Variants in EPB41L2 observed in about 807,000 individuals in gnomAD.
EPB41L2 encodes band 4.1-like protein 2.
A neutral mutation model predicts 113.0 loss-of-function variants in EPB41L2; 43 were observed. That is an observed-to-expected ratio of 0.38 (90% CI 0.30 to 0.49). The LOEUF (loss-of-function observed/expected upper bound fraction) is 0.49. Ranked by LOEUF, EPB41L2 falls within the 20% of genes least tolerant of loss-of-function variation. EPB41L2 has a pLI of 0.95. For missense variants in EPB41L2, 1,147 were observed against 1,223.4 expected, an observed-to-expected ratio of 0.94 and a Z score of 0.93; for synonymous variants, 442 against 436.7, an observed-to-expected ratio of 1.01 and a Z score of -0.15.
At chr6:130,853,671 T>G (rs965004492) in intron 19 of EPB41L2, among the ~76,000 whole-genome samples, 1 of 152,126 alleles carries the variant, frequency 6.6e-6, no homozygotes, top group Non-Finnish European at 1.5e-5. Context: ...GGTTGTTCTT[T>G]TACCATCTTT....
chr6:130,960,976 G>A (rs1025559418), intron 1 of EPB41L2, among the ~76,000 whole-genome samples: 3 of 152,108 alleles, frequency 2.0e-5, no homozygotes, highest in African/African-American at 2.4e-5. Flanking sequence ...CTTACTAAAT[G>A]AGTATTGTTC....
chr6:130,864,075 G>A (rs377760642), intron 17 of EPB41L2, among the ~76,000 whole-genome samples: 17 of 152,174 alleles, frequency 1.1e-4, no homozygotes, highest in African/African-American at 4.1e-4. Context: ...ATAGTTTCCC[G>A]AGTTTCTTTA....
chr6:131,052,291 T>A (rs954211), intron 1 of EPB41L2, among the ~76,000 whole-genome samples: 47,220 of 152,032 alleles, frequency 0.31, 7,844 homozygotes, highest in Non-Finnish European at 0.37. Flanking sequence ...TACAAGTTCA[T>A]GGATAAACTC....
chr6:130,952,539 G>C (rs1318447300), intron 3 of EPB41L2, among the ~76,000 whole-genome samples: 1 of 152,092 alleles, frequency 6.6e-6, no homozygotes, highest in Non-Finnish European at 1.5e-5. Context: ...GTTCTATTTT[G>C]TTAAAGATCT....
chr6:130,960,893 G>T (rs1285901546), intron 1 of EPB41L2, among the ~76,000 whole-genome samples: 6 of 152,160 alleles, frequency 3.9e-5, no homozygotes, highest in African/African-American at 1.2e-4. Context: ...CTCCATGAGG[G>T]CTGGGATCTC....
chr6:130,915,079 G>A (rs938687334), intron 4 of EPB41L2, among the ~76,000 whole-genome samples: 23 of 151,498 alleles, frequency 1.5e-4, no homozygotes, highest in African/African-American at 3.7e-4. Flanking sequence ...CGAGGCGGGC[G>A]GATCACGAGG....
intron 1 of EPB41L2, among the ~76,000 whole-genome samples, chr6:131,002,565 G>C (rs924740802): frequency 6.6e-6 from 1 of 152,204 alleles, no homozygotes; most frequent in Admixed American, 6.5e-5. Context: ...GCAAAATGAA[G>C]TGAATACATT....
chr6:130,944,170 CAT>C (rs35704598), intron 3 of EPB41L2, among the ~76,000 whole-genome samples: 8,555 of 122,004 alleles, frequency 0.07, 286 homozygotes, highest in African/African-American at 0.11. Flanking sequence ...CATACACACA[CAT>C]ACACACACAC....
intron 8 of EPB41L2, among the ~76,000 whole-genome samples, chr6:130,897,563 A>C (rs1795033431): frequency 6.6e-6 from 1 of 152,214 alleles, no homozygotes; most frequent in African/African-American, 2.4e-5. Flanking sequence ...TTTCTAACTA[A>C]CAATCAACAA....
chr6:130,954,040 C>CTTTCTTGTTTTT (rs1816373036), intron 3 of EPB41L2, among the ~76,000 whole-genome samples: 1 of 58,850 alleles, frequency 1.7e-5, no homozygotes, highest in African/African-American at 5.4e-5. Context: ...CCTTTTCTTT[C>CTTTCTTGTTTTT]TTTTTTTTTT....
chr6:130,869,455 T>G, intron 15 of EPB41L2, 108 bp downstream of exon 15: 1 of 1,029,878 alleles, frequency 9.7e-7, no homozygotes, highest in South Asian at 1.6e-5. Flanking sequence ...AAAATCAGAT[T>G]CTTGTTGAAA....
chr6:130,927,583 T>C (rs1805194729), intron 3 of EPB41L2, among the ~76,000 whole-genome samples: 1 of 152,170 alleles, frequency 6.6e-6, no homozygotes, highest in African/African-American at 2.4e-5. Flanking sequence ...ATCAGACTTT[T>C]CCATCCTCAA....
At chr6:130,865,422 G>T (rs755105355) in intron 17 of EPB41L2, 114 bp downstream of exon 17, 8 of 1,027,862 alleles carry the variant, frequency 7.8e-6, no homozygotes, top group Admixed American at 2.7e-5. Flanking sequence ...TTTTGATTCC[G>T]CTGGCACTGT....
In EPB41L2 at chr6:130,844,651, GAC is replaced by G. The variant is rs532449727; in HGVS notation, c.*6-4055_*6-4054del. ...TTTAAATATGATACTTTATGGATTTGACAGTTATTTCAAATGCTGAACTTTTC... is the reference window on the plus strand; with the variant it reads ...TTTAAATATGATACTTTATGGATTTGAGTTATTTCAAATGCTGAACTTTTC... On this transcript the variant is annotated intron_variant, in intron 19 of 19. Coordinates refer to ENST00000337057, the MANE Select transcript of EPB41L2 (RefSeq NM_001431.4). Among the ~76,000 whole-genome samples the G allele has an allele frequency of 2.0e-3, 305 of 152,282 alleles. 2 individuals carry two copies. The highest frequency in any genetic ancestry group is 0.017 in the Middle Eastern group (5 of 294).
chr6:130,900,989 T>C lies in EPB41L2; in HGVS notation c.1121A>G (p.Lys374Arg), dbSNP rs1268679006. 1 of 1,614,064 alleles carries C rather than the reference T, an allele frequency of 6.2e-7. No individual in the cohort carries two copies. Among genetic ancestry groups the C allele is most frequent in the Admixed American group, 1.7e-5 (1 of 60,010 alleles). The change falls in exon 7 of 20, where the codon AAG becomes AGG. Residue 374 changes from lysine to arginine, a missense_variant. Physicochemically the swap from Lys to Arg is conservative, Grantham distance 26. Coordinates refer to ENST00000337057, the MANE Select transcript of EPB41L2 (RefSeq NM_001431.4). Reference sequence around the variant, plus strand: ...GTGGGTTTTGTGCAGCTCTGCCACCTTCTCTTCCAGCTCCTTAGTCTGAGT... The same window carrying C: ...GTGGGTTTTGTGCAGCTCTGCCACCCTCTCTTCCAGCTCCTTAGTCTGAGT... ...APTQTKELEE[K>R]VAELHKTHRG...
rs770130291 is a variant in EPB41L2, at chr6:130,955,313, G to C, written c.497C>G (p.Thr166Ser). Reference protein sequence around the residue: ...PSVSKVEMQPTELVSKEREEK... With the variant: ...PSVSKVEMQPSELVSKEREEK... ...TTCTCTCTCCTTACTTACTAATTCAGTAGGCTGTTGAGGAAAAAAAAATAA... is the reference window on the plus strand; with the variant it reads ...TTCTCTCTCCTTACTTACTAATTCACTAGGCTGTTGAGGAAAAAAAAATAA... Residue 166 changes from threonine to serine, a missense_variant, in exon 3 of 20, where the codon ACT (threonine) becomes AGT (serine). By Grantham distance (58) the Thr-to-Ser change is moderately conservative. Transcript: ENST00000337057. The C allele has an allele frequency of 1.3e-6, 2 of 1,588,366 alleles. No individual in the cohort carries two copies. Among genetic ancestry groups the C allele is most frequent in the African/African-American group, 3.2e-5 (2 of 63,304 alleles).
chr6:130,959,182 A>G (rs1409284642), intron 1 of EPB41L2, among the ~76,000 whole-genome samples: 1 of 152,212 alleles, frequency 6.6e-6, no homozygotes, highest in Non-Finnish European at 1.5e-5. Context: ...GGGTGATGGT[A>G]GAACCATTCA....
chr6:131,015,676 C>T (rs909487003), intron 1 of EPB41L2: 1 of 152,154 alleles, frequency 6.6e-6, no homozygotes, highest in Non-Finnish European at 1.5e-5. Context: ...ATGAAAAATA[C>T]AGAATTGGTC....
chr6:130,968,217 T>C (rs549014304), intron 1 of EPB41L2, among the ~76,000 whole-genome samples: 1 of 152,314 alleles, frequency 6.6e-6, no homozygotes, highest in East Asian at 1.9e-4. Flanking sequence ...CAAGGTTAAC[T>C]GCACAGGATA....
Sources: allele counts gnomAD v4.1 joint callset (sites outside exome capture counted in the v4.1 genomes callset), GRCh38; gene constraint gnomAD v4.1.1; transcripts MANE v1.5; gene names NCBI Gene and HGNC (gene_info 2026-07-23, HGNC 2026-07-21).